PRKG1: variants seen among roughly 807,000 people sequenced by gnomAD.
PRKG1 encodes the protein protein kinase cGMP-dependent 1.
PRKG1 carries 35 observed loss-of-function variants against 88.1 expected under a neutral mutation model. That is an observed-to-expected ratio of 0.40 (90% CI 0.30 to 0.53). The LOEUF is 0.53. Ranked by LOEUF, PRKG1 falls within the 20% of genes least tolerant of loss-of-function variation. The pLI is 0.59. For missense variants in PRKG1, 540 were observed against 839.8 expected, an observed-to-expected ratio of 0.64 and a Z score of 4.41; for synonymous variants, 303 against 292.5, an observed-to-expected ratio of 1.04 and a Z score of -0.37.
At chr10:51,333,140 A>G (rs933110995) in intron 2 of PRKG1, among the ~76,000 whole-genome samples, 2 of 152,222 alleles carry the variant, frequency 1.3e-5, no homozygotes, top group African/African-American at 2.4e-5. Context: ...AGAAGCTGGT[A>G]TAAGTCTACT....
At chr10:51,375,732 TATATA>T (rs1056246836) in intron 2 of PRKG1, among the ~76,000 whole-genome samples, 10 of 150,936 alleles carry the variant, frequency 6.6e-5, no homozygotes, top group African/African-American at 2.4e-4. Context: ...AACATATAAA[TATATA>T]ATATGAGTGT....
At position 52,089,786 on chromosome 10, in the gene PRKG1, A is replaced by C. The variant is rs1367026516; in HGVS notation, c.935+27155A>C. Reference sequence around the variant, plus strand: ...ACCAACCAACACATCTAGGGCTTAGATTATTGTTTCTTTCCTTCTTTTTTT... The same window carrying C: ...ACCAACCAACACATCTAGGGCTTAGCTTATTGTTTCTTTCCTTCTTTTTTT... On this transcript the variant is annotated intron_variant, in intron 7 of 17. Transcript: ENST00000373980. 2.5e-5 allele frequency among the ~76,000 whole-genome samples: 3 copies of C among 122,446 alleles called. No homozygotes were observed. The East Asian group carries it at 8.5e-4, about 35-fold the overall frequency. The allele number at this position is 122,446 out of a possible 152,430, so 80.3% of individuals were successfully genotyped here. A position where few individuals can be genotyped will look rare whatever the true frequency, so the allele number is the denominator to read the frequency against.
chr10:51,846,750 C>T (rs1241025649), intron 4 of PRKG1, among the ~76,000 whole-genome samples: 1 of 152,002 alleles, frequency 6.6e-6, no homozygotes, highest in Non-Finnish European at 1.5e-5. Context: ...CTCTTAATTG[C>T]TTGAAGATGT....
chr10:51,440,890 C>A (rs1438533611), intron 2 of PRKG1, among the ~76,000 whole-genome samples: 4 of 151,990 alleles, frequency 2.6e-5, no homozygotes, highest in African/African-American at 9.6e-5. Flanking sequence ...ATTTTCTTAT[C>A]TTTATTTGAA....
At chr10:51,794,711 A>G (rs1338167242) in intron 3 of PRKG1, among the ~76,000 whole-genome samples, 4 of 152,114 alleles carry the variant, frequency 2.6e-5, no homozygotes, top group Non-Finnish European at 4.4e-5. Context: ...ATGTATACAT[A>G]TGTTAAAACA....
At chr10:51,542,819 AG>A (rs1481430933) in intron 3 of PRKG1, among the ~76,000 whole-genome samples, 5 of 152,186 alleles carry the variant, frequency 3.3e-5, no homozygotes, top group Admixed American at 3.3e-4. Context: ...GTGTGGCCTT[AG>A]GCAAGTTATG....
At chr10:51,698,109 T>C (rs915168532) in intron 3 of PRKG1, 6 of 1,614,074 alleles carry the variant, frequency 3.7e-6, no homozygotes, top group Non-Finnish European at 5.1e-6. Flanking sequence ...CCTATATTAA[T>C]GGGACCAGGA....
intron 1 of PRKG1, among the ~76,000 whole-genome samples, chr10:51,144,108 G>T (rs1845884779): frequency 6.6e-6 from 1 of 151,908 alleles, no homozygotes; most frequent in South Asian, 2.1e-4. Context: ...TTTTGGTCTT[G>T]CATTTAAGTC....
intron 2 of PRKG1, among the ~76,000 whole-genome samples, chr10:51,440,234 T>C (rs754453157): frequency 6.6e-6 from 1 of 151,834 alleles, no homozygotes; most frequent in Non-Finnish European, 1.5e-5. Context: ...ATAAAAAATA[T>C]ATACCTTTAT....
At chr10:52,128,024 C>A in intron 7 of PRKG1, 2 of 981,978 alleles carry the variant, frequency 2.0e-6, no homozygotes, top group Non-Finnish European at 2.4e-6. Flanking sequence ...TGATGCTTGT[C>A]ATTTCCTATC....
At position 51,967,558 on chromosome 10, in the gene PRKG1, A is replaced by T. The variant is rs572724063; in HGVS notation, c.762+59988A>T. ...CATGTACCCTAAAACCTAAAGTATA[A>T]AAAAAAAAAAGATTGTTTTCTAAAC... On this transcript the variant is annotated intron_variant, in intron 5 of 17. Transcript: ENST00000373980. 2.1e-4 allele frequency among the ~76,000 whole-genome samples: 30 copies of T among 145,994 alleles called. No homozygotes were observed. The East Asian group carries it at 5.3e-3, about 26-fold the overall frequency.
chr10:52,040,746 T>C (rs1845734475), intron 5 of PRKG1, among the ~76,000 whole-genome samples: 1 of 152,086 alleles, frequency 6.6e-6, no homozygotes. Context: ...GGCATCCCTA[T>C]CTTATTCTGG....
At chr10:51,784,621 G>A (rs923915019) in intron 3 of PRKG1, among the ~76,000 whole-genome samples, 1 of 152,002 alleles carries the variant, frequency 6.6e-6, no homozygotes, top group African/African-American at 2.4e-5. Context: ...GCTAGTTATT[G>A]GAGCAACCCA....
chr10:51,849,968 A>T (rs1840502815), intron 4 of PRKG1, among the ~76,000 whole-genome samples: 1 of 152,178 alleles, frequency 6.6e-6, no homozygotes, highest in African/African-American at 2.4e-5. Context: ...AGTTAGAAAA[A>T]CAGTCTAGTC....
chr10:51,602,506 A>G (rs1237407155), intron 3 of PRKG1, among the ~76,000 whole-genome samples: 2 of 151,524 alleles, frequency 1.3e-5, no homozygotes, highest in Non-Finnish European at 2.9e-5. Flanking sequence ...AATGTAGTGG[A>G]TGATAGCGAC....
chr10:52,270,613 C>T (rs943477646), intron 10 of PRKG1, among the ~76,000 whole-genome samples: 24 of 150,510 alleles, frequency 1.6e-4, no homozygotes, highest in Admixed American at 2.7e-4. Flanking sequence ...AGCAAACTAT[C>T]GCAAGGACCA....
chr10:52,277,152 C>T (rs762584845), intron 12 of PRKG1, among the ~76,000 whole-genome samples: 48 of 152,032 alleles, frequency 3.2e-4, no homozygotes, highest in Non-Finnish European at 5.6e-4. Flanking sequence ...AATTTGTGGT[C>T]TGTTTGCTTC....
At chr10:51,590,580 C>T (rs563254323) in intron 3 of PRKG1, among the ~76,000 whole-genome samples, 1 of 152,102 alleles carries the variant, frequency 6.6e-6, no homozygotes, top group African/African-American at 2.4e-5. Flanking sequence ...GATTTCCTTG[C>T]CAAAAACTAA....
chr10:51,577,084 G>A (rs529931941), intron 3 of PRKG1, among the ~76,000 whole-genome samples: 4 of 152,050 alleles, frequency 2.6e-5, no homozygotes, highest in African/African-American at 9.6e-5. Context: ...TTCTGAGATG[G>A]ATTAAAATGT....
Sources: gnomAD v4.1 joint callset for allele counts (sites outside exome capture counted in the v4.1 genomes callset) on GRCh38, gnomAD v4.1.1 for gene constraint, MANE v1.5 for transcripts, NCBI Gene and HGNC (gene_info 2026-07-23, HGNC 2026-07-21) for gene names.